PLPPR1: variants seen among roughly 807,000 people sequenced by gnomAD.
PLPPR1 encodes phospholipid phosphatase-related protein type 1.
PLPPR1 carries 10 observed loss-of-function variants against 33.1 expected under a neutral mutation model. That is an observed-to-expected ratio of 0.30 (90% CI 0.19 to 0.51). The LOEUF is 0.51. Ranked by LOEUF, PLPPR1 falls within the 20% of genes least tolerant of loss-of-function variation. The probability of loss-of-function intolerance (pLI) is 0.97; values close to 1 mark genes in which losing one functional copy is unlikely to be tolerated. For missense variants in PLPPR1, 304 were observed against 408.1 expected (o/e 0.74, Z 2.20); for synonymous variants, 151 against 151.0 (o/e 1.00, Z 0.00).
chr9:101,273,243 C>T (rs1828131002), intron 3 of PLPPR1, among the ~76,000 whole-genome samples: 1 of 152,062 alleles, frequency 6.6e-6, no homozygotes, highest in African/African-American at 2.4e-5. Flanking sequence ...TAAAATTGAG[C>T]CCTTATTGGT....
intron 1 of PLPPR1, among the ~76,000 whole-genome samples, chr9:101,175,119 GTTCCT>G (rs960351170): frequency 6.6e-6 from 1 of 152,118 alleles, no homozygotes; most frequent in Non-Finnish European, 1.5e-5. Context: ...TGCTCCTGCT[GTTCCT>G]TTTAGCTGAA....
At chr9:101,322,408 G>A (rs1829171330) in intron 7 of PLPPR1, 1 of 151,946 alleles carries the variant, frequency 6.6e-6, no homozygotes, top group South Asian at 2.1e-4. Flanking sequence ...TTAATTGAAT[G>A]CTTCCATTTG....
At position 101,279,982 on chromosome 9, in the gene PLPPR1, AAAC is replaced by A. The variant is rs1828267916; in HGVS notation, c.253-6119_253-6117del. Among the ~76,000 whole-genome samples, 14 of 152,190 alleles carry A rather than the reference AAAC, an allele frequency of 9.2e-5. No individual in the cohort carries two copies. In the South Asian group the frequency reaches 2.9e-3, roughly 31 times the overall value. On this transcript the variant is annotated intron_variant, in intron 3 of 7. Transcript: ENST00000374874. Reference sequence around the variant, plus strand: ...AGAGCAGAAATAAATGAAATTTATAAAACAATACAAAAGATCGATTAAATGAAA... The same window carrying A: ...AGAGCAGAAATAAATGAAATTTATAAAATACAAAAGATCGATTAAATGAAA...
intron 1 of PLPPR1, among the ~76,000 whole-genome samples, chr9:101,162,490 T>G (rs1255276166): frequency 3.9e-5 from 6 of 152,214 alleles, no homozygotes; most frequent in African/African-American, 1.4e-4. Context: ...TGTGACTGGC[T>G]TTATTTGCTC....
intron 2 of PLPPR1, chr9:101,188,154 GT>G (rs1156295665): frequency 1.3e-5 from 2 of 151,996 alleles, no homozygotes; most frequent in African/African-American, 4.8e-5. Context: ...GGGACAGTTT[GT>G]TTATGCGTTT....
At chr9:101,084,701 G>C (rs1447833077) in intron 1 of PLPPR1, among the ~76,000 whole-genome samples, 2 of 152,170 alleles carry the variant, frequency 1.3e-5, no homozygotes, top group African/African-American at 4.8e-5. Flanking sequence ...TTGGGACATG[G>C]TATGTAGGTC....
chr9:101,310,656 C>G (rs1828937821), intron 5 of PLPPR1, among the ~76,000 whole-genome samples: 1 of 152,212 alleles, frequency 6.6e-6, no homozygotes, highest in African/African-American at 2.4e-5. Flanking sequence ...TTTAATTTGT[C>G]ACATAAAAAC....
At chr9:101,217,230 A>C (rs960644643) in intron 2 of PLPPR1, among the ~76,000 whole-genome samples, 3 of 152,226 alleles carry the variant, frequency 2.0e-5, no homozygotes, top group Admixed American at 2.0e-4. Context: ...CACATTAAAA[A>C]AAATCACTGC....
chr9:101,287,833 T>C (rs1828422284), intron 4 of PLPPR1, among the ~76,000 whole-genome samples: 2 of 152,096 alleles, frequency 1.3e-5, no homozygotes, highest in African/African-American at 4.8e-5. Flanking sequence ...TAGTTGTACA[T>C]ATGAAGAATC....
intron 2 of PLPPR1, among the ~76,000 whole-genome samples, chr9:101,234,662 G>C (rs935341647): frequency 6.6e-6 from 1 of 151,884 alleles, no homozygotes; most frequent in Non-Finnish European, 1.5e-5. Context: ...CCTGTTCCAG[G>C]AGTTCAGAAT....
intron 1 of PLPPR1, among the ~76,000 whole-genome samples, chr9:101,180,836 A>T (rs1169088500): frequency 6.6e-6 from 1 of 151,916 alleles, no homozygotes; most frequent in Non-Finnish European, 1.5e-5. Flanking sequence ...GACAAAGACG[A>T]TTTTAGATAT....
At chr9:101,033,950 G>A (rs1829979483) in intron 1 of PLPPR1, among the ~76,000 whole-genome samples, 1 of 152,102 alleles carries the variant, frequency 6.6e-6, no homozygotes, top group Non-Finnish European at 1.5e-5. Flanking sequence ...AACTGAAAAA[G>A]GACAATGAAA....
intron 2 of PLPPR1, among the ~76,000 whole-genome samples, chr9:101,238,055 C>G (rs1378013275): frequency 8.2e-6 from 1 of 121,924 alleles, no homozygotes; most frequent in Non-Finnish European, 1.7e-5. Flanking sequence ...ATATATATAG[C>G]CTATATATAC....
intron 4 of PLPPR1, among the ~76,000 whole-genome samples, chr9:101,306,094 A>T (rs762600027): frequency 3.9e-5 from 6 of 152,134 alleles, no homozygotes; most frequent in Non-Finnish European, 7.4e-5. Context: ...ACCAGCAGAC[A>T]CCAATTTTTT....
At chr9:101,111,969 A>T (rs568115204) in intron 1 of PLPPR1, among the ~76,000 whole-genome samples, 114 of 152,242 alleles carry the variant, frequency 7.5e-4, no homozygotes, top group African/African-American at 2.7e-3. Context: ...CTTCAGCCTC[A>T]CCTCCTCCCT....
intron 2 of PLPPR1, among the ~76,000 whole-genome samples, chr9:101,233,185 G>A (rs570657876): frequency 6.6e-6 from 1 of 152,136 alleles, no homozygotes; most frequent in South Asian, 2.1e-4. Context: ...TTTACCAACA[G>A]ATGGCTGCAT....
chr9:101,167,466 T>C (rs554999926), intron 1 of PLPPR1, among the ~76,000 whole-genome samples: 3 of 151,766 alleles, frequency 2.0e-5, no homozygotes, highest in African/African-American at 7.2e-5. Flanking sequence ...AGAATTCTAG[T>C]CTCTCAGGGC....
intron 1 of PLPPR1, among the ~76,000 whole-genome samples, chr9:101,087,157 G>A (rs1469659353): frequency 7.9e-6 from 1 of 126,586 alleles, no homozygotes. Context: ...CAGCCTGGGT[G>A]ACAGACTGAG....
At chr9:101,299,011 G>A (rs148307530) in intron 4 of PLPPR1, among the ~76,000 whole-genome samples, 147 of 152,270 alleles carry the variant, frequency 9.7e-4, no homozygotes, top group African/African-American at 3.3e-3. Flanking sequence ...TGTGCTGACC[G>A]AGAAGTTCAA....
Sources: gnomAD v4.1 joint callset for allele counts (sites outside exome capture counted in the v4.1 genomes callset) on GRCh38, gnomAD v4.1.1 for gene constraint, MANE v1.5 for transcripts, NCBI Gene and HGNC (gene_info 2026-07-23, HGNC 2026-07-21) for gene names.